The following RETREG1 variants were observed in gnomAD, a reference collection of about 807,000 sequenced individuals.
RETREG1 encodes reticulophagy regulator 1.
RETREG1 carries 44 observed loss-of-function variants against 54.8 expected under a neutral mutation model. The ratio of observed to expected loss-of-function variants is 0.80; its 90% confidence interval spans 0.63 to 1.03. The LOEUF is 1.03. RETREG1 is among the 50% of genes least tolerant of loss of function. The pLI is 0.00. For synonymous variants in RETREG1, 217 were observed against 238.5 expected, an observed-to-expected ratio of 0.91 and a Z score of 0.83; for missense variants, 554 against 605.1, an observed-to-expected ratio of 0.92 and a Z score of 0.89.
At chr5:16,546,253 A>G (rs1561114775) in intron 3 of RETREG1, among the ~76,000 whole-genome samples, 2 of 152,038 alleles carry the variant, frequency 1.3e-5, no homozygotes. Context: ...CTGCAGCCTC[A>G]AATTCCTGGG....
At chr5:16,520,263 T>C (rs1316319844) in intron 3 of RETREG1, among the ~76,000 whole-genome samples, 1 of 151,948 alleles carries the variant, frequency 6.6e-6, no homozygotes, top group African/African-American at 2.4e-5. Flanking sequence ...TGCTCATCTC[T>C]ATGGTGATAG....
At chr5:16,510,191 A>T (rs1740125414) in intron 3 of RETREG1, among the ~76,000 whole-genome samples, 1 of 152,176 alleles carries the variant, frequency 6.6e-6, no homozygotes, top group East Asian at 1.9e-4. Flanking sequence ...GGATAGTGTT[A>T]GTTATTTTGT....
chr5:16,604,959 A>G (rs2126365666), intron 1 of RETREG1, among the ~76,000 whole-genome samples: 1 of 152,334 alleles, frequency 6.6e-6, no homozygotes, highest in East Asian at 1.9e-4. Context: ...TTGTTAAACT[A>G]ATATAGTATA....
intron 3 of RETREG1, among the ~76,000 whole-genome samples, chr5:16,501,585 T>C (rs372667940): frequency 1.0e-3 from 154 of 152,218 alleles, no homozygotes; most frequent in African/African-American, 3.5e-3. Flanking sequence ...CTCTGTTGCC[T>C]AGGCTGGAGT....
chr5:16,540,645 T>G (rs964628870), intron 3 of RETREG1, among the ~76,000 whole-genome samples: 7 of 152,204 alleles, frequency 4.6e-5, no homozygotes, highest in Non-Finnish European at 8.8e-5. Context: ...GAACACTGTG[T>G]CTATTCCATC....
intron 1 of RETREG1, among the ~76,000 whole-genome samples, chr5:16,598,604 C>A (rs947465818): frequency 6.6e-6 from 1 of 152,246 alleles, no homozygotes; most frequent in South Asian, 2.1e-4. Flanking sequence ...TGGAGGACTT[C>A]TGTTCCTTCC....
At chr5:16,483,170 T>C (rs1180505483) in intron 4 of RETREG1, 176 bp downstream of exon 4, 1 of 669,868 alleles carries the variant, frequency 1.5e-6, no homozygotes, top group African/African-American at 1.8e-5. Context: ...CTGAGGATTA[T>C]CTAGTGTTCG....
chr5:16,490,943 A>G (rs12187267), intron 3 of RETREG1, among the ~76,000 whole-genome samples: 55,851 of 152,050 alleles, frequency 0.37, 10,625 homozygotes, highest in African/African-American at 0.42. Context: ...GTCCTAAGGC[A>G]TCTAGATTCT....
chr5:16,613,169 A>C (rs534493143), intron 1 of RETREG1, among the ~76,000 whole-genome samples: 2 of 152,228 alleles, frequency 1.3e-5, no homozygotes, highest in Non-Finnish European at 2.9e-5. Flanking sequence ...TGAGGCAACT[A>C]CTGCCCCCAC....
chr5:16,493,528 TA>T, intron 3 of RETREG1, among the ~76,000 whole-genome samples: 1 of 152,268 alleles, frequency 6.6e-6, no homozygotes, highest in Non-Finnish European at 1.5e-5. Flanking sequence ...TAATATCAGA[TA>T]GTCAAGAAAC....
At chr5:16,501,592 G>T (rs1169240695) in intron 3 of RETREG1, among the ~76,000 whole-genome samples, 1 of 152,014 alleles carries the variant, frequency 6.6e-6, no homozygotes, top group East Asian at 1.9e-4. Context: ...GCCTAGGCTG[G>T]AGTGCAGTGG....
chr5:16,554,347 T>C (rs1323035140), intron 3 of RETREG1, among the ~76,000 whole-genome samples: 1 of 152,182 alleles, frequency 6.6e-6, no homozygotes, highest in African/African-American at 2.4e-5. Context: ...GTCTCTCTCC[T>C]GTAACCAGCG....
At chr5:16,587,089 G>A (rs948002691) in intron 1 of RETREG1, among the ~76,000 whole-genome samples, 22 of 152,336 alleles carry the variant, frequency 1.4e-4, no homozygotes, top group Middle Eastern at 3.4e-3. Flanking sequence ...GACAAAAGGA[G>A]ACACTCAGTC....
intron 3 of RETREG1, among the ~76,000 whole-genome samples, chr5:16,542,623 A>C (rs1741282260): frequency 6.6e-6 from 1 of 152,228 alleles, no homozygotes; most frequent in African/African-American, 2.4e-5. Flanking sequence ...GGAATCTATA[A>C]GGCATCTTCA....
chr5:16,508,885 CT>C, intron 3 of RETREG1: 1 of 1,337,834 alleles, frequency 7.5e-7, no homozygotes, highest in Non-Finnish European at 9.6e-7. Flanking sequence ...TAGGTCACCT[CT>C]TACTCCCAGT....
chr5:16,596,875 A>G (rs1207855791), intron 1 of RETREG1, among the ~76,000 whole-genome samples: 6 of 152,196 alleles, frequency 3.9e-5, no homozygotes, highest in African/African-American at 1.4e-4. Context: ...ACGCAAGCAG[A>G]TGTTGGGCCT....
chr5:16,578,879 A>C (rs1049052498), intron 1 of RETREG1, among the ~76,000 whole-genome samples: 14 of 152,226 alleles, frequency 9.2e-5, no homozygotes, highest in African/African-American at 3.4e-4. Flanking sequence ...GTTTAACCAA[A>C]GTGCTATTCA....
At chr5:16,554,231 C>A (rs1248911113) in intron 3 of RETREG1, among the ~76,000 whole-genome samples, 1 of 152,224 alleles carries the variant, frequency 6.6e-6, no homozygotes, top group Non-Finnish European at 1.5e-5. Context: ...GGGCCCCCCA[C>A]CTGGAATGAT....
intron 3 of RETREG1, among the ~76,000 whole-genome samples, chr5:16,535,351 G>A (rs1479829539): frequency 1.3e-5 from 2 of 152,138 alleles, no homozygotes; most frequent in African/African-American, 2.4e-5. Context: ...TTCACAAAGT[G>A]GGAGCTGGAG....
Sources: gnomAD v4.1 joint callset for allele counts (sites outside exome capture counted in the v4.1 genomes callset) on GRCh38, gnomAD v4.1.1 for gene constraint, MANE v1.5 for transcripts, NCBI Gene and HGNC (gene_info 2026-07-23, HGNC 2026-07-21) for gene names.